KIF23: variants seen among roughly 807,000 people sequenced by gnomAD.
KIF23 encodes kinesin-like protein KIF23.
A neutral mutation model predicts 137.5 loss-of-function variants in KIF23; 30 were observed. The observed-to-expected ratio is 0.22, with a 90% CI of 0.16 to 0.30. KIF23 has a LOEUF of 0.30. KIF23 is among the 10% of genes least tolerant of loss of function. KIF23 has a pLI of 1.00. For synonymous variants in KIF23, 367 were observed against 391.1 expected (o/e 0.94, Z 0.73); for missense variants, 920 against 1,194.3 (o/e 0.77, Z 3.38).
intron 2 of KIF23, 64 bp downstream of exon 2, chr15:69,416,127 C>A: frequency 1.9e-6 from 2 of 1,052,256 alleles, no homozygotes; most frequent in Non-Finnish European, 2.8e-6. Context: ...TCCTTTCTGT[C>A]TTATGTGTAT....
intron 3 of KIF23, among the ~76,000 whole-genome samples, chr15:69,417,726 AT>A (rs1413732714): frequency 1.3e-5 from 2 of 152,226 alleles, no homozygotes; most frequent in East Asian, 3.8e-4. Context: ...TTAGCAGATA[AT>A]TTCTTACACT....
At position 69,421,723 on chromosome 15, in the gene KIF23, T is replaced by G. The variant is rs914396912; in HGVS notation, c.287T>G (p.Leu96Trp). Residue 96 changes from leucine to tryptophan, a missense_variant, in exon 4 of 24, where the codon TTG (leucine) becomes TGG (tryptophan). Leu to Trp is a moderately conservative substitution (Grantham distance 61, BLOSUM62 -2). Transcript: ENST00000679126. ...CTCTTTGATGTTGTGGCTAATCCCT[T>G]GGTCAATGACCTCATTCATGGCAAA... ...KELFDVVANP[L>W]VNDLIHGKNG... 1 of 1,613,690 alleles carries G rather than the reference T, an allele frequency of 6.2e-7. No homozygotes were observed. The highest frequency in any genetic ancestry group is 1.1e-5 in the South Asian group (1 of 91,034).
intron 11 of KIF23, chr15:69,435,242 T>C (rs2057449765): frequency 1.9e-6 from 1 of 528,520 alleles, no homozygotes; most frequent in African/African-American, 1.9e-5. Context: ...ATGTTGCATT[T>C]TGTGGAAAAT....
At chr15:69,446,519 T>A (rs2057743839) in intron 22 of KIF23, 155 bp downstream of exon 22, 1 of 646,574 alleles carries the variant, frequency 1.5e-6, no homozygotes, top group African/African-American at 1.8e-5. Context: ...ATAACAAGAA[T>A]CCACTTCATC....
chr15:69,444,897 A>G lies in KIF23; in HGVS notation c.2529A>G (p.Gln843=), dbSNP rs2057709399. 6.2e-7 allele frequency: 1 copy of G among 1,614,196 alleles called. No individual in the cohort carries two copies. The highest frequency in any genetic ancestry group is 2.2e-5 in the East Asian group (1 of 44,894). The change falls in exon 20 of 24, where the codon CAA becomes CAG. Residue 843 remains glutamine, a synonymous_variant. Coordinates refer to ENST00000679126, the MANE Select transcript of KIF23 (RefSeq NM_001367805.3). The surrounding 1 kb of genome is among the most constrained non-coding windows in gnomAD (Gnocchi z 4.2). The part of the protein sequence containing the change: ...WVDHKPASNM[Q]TETVMQPHVP... ...ATCATAAGCCCGCCTCTAACATGCA[A>G]ACTGAAACAGTCATGCAGCCACATG...
intron 16 of KIF23, among the ~76,000 whole-genome samples, chr15:69,439,583 A>G (rs546081617): frequency 6.6e-6 from 1 of 152,368 alleles, no homozygotes; most frequent in East Asian, 1.9e-4. Context: ...ACACATTCAT[A>G]AGAGAAGTTA....
chr15:69,416,176 CAAA>C lies in KIF23; in HGVS notation c.81+114_81+116del, dbSNP rs143818035. Reference sequence around the variant, plus strand: ...AGAAGAAGACATGTGGAAGTATAATCAAAGAACATTTAGTTAAATGGATGTACT... The same window carrying C: ...AGAAGAAGACATGTGGAAGTATAATCGAACATTTAGTTAAATGGATGTACT... On this transcript the variant is annotated intron_variant, in intron 2 of 23. Coordinates refer to ENST00000679126, the MANE Select transcript of KIF23 (RefSeq NM_001367805.3). The C allele has an allele frequency of 1.2e-3, 726 of 625,236 alleles. 5 individuals carry two copies. The African/African-American group carries it at 0.013, about 11-fold the overall frequency. 38.7% of individuals were successfully genotyped at this position (625,236 alleles called of 1,614,324 possible).
chr15:69,422,544 G>T (rs2057084357), intron 6 of KIF23, 109 bp downstream of exon 6: 2 of 674,292 alleles, frequency 3.0e-6, no homozygotes, highest in Non-Finnish European at 2.6e-6. Context: ...GTTGACTTTT[G>T]TGAGATTAAA....
chr15:69,446,834 G>A (rs2057750057), intron 22 of KIF23, 37 bp from the exon 23 acceptor site: 2 of 1,577,598 alleles, frequency 1.3e-6, no homozygotes, highest in Non-Finnish European at 1.7e-6. Flanking sequence ...ACTATTGAGA[G>A]GAGCTGATCT....
rs1442073054 is a variant in KIF23, at chr15:69,421,987, T to C, written c.317-5T>C. On this transcript the variant is annotated splice_region_variant and splice_polypyrimidine_tract_variant and intron_variant, in intron 4 of 23. Coordinates refer to ENST00000679126, the MANE Select transcript of KIF23 (RefSeq NM_001367805.3). ...TATAACTCATTGTGACTTGCTACAC[T>C]GTAGGTCTTCTTTTTACATATGGTG... 2 of 1,613,662 alleles carry C rather than the reference T, an allele frequency of 1.2e-6. No individual in the cohort carries two copies. Among genetic ancestry groups the C allele is most frequent in the Non-Finnish European group, 8.5e-7 (1 of 1,179,872 alleles).
chr15:69,435,213 C>A, intron 11 of KIF23: 1 of 502,606 alleles, frequency 2.0e-6, no homozygotes, highest in Non-Finnish European at 3.5e-6. Context: ...TGGAAGAAAC[C>A]TTATAGTCAT....
rs772183540 is a variant in KIF23, at chr15:69,440,096, G to C, written c.1929+19G>C. 1 of 1,605,672 alleles carries C rather than the reference G, an allele frequency of 6.2e-7. No homozygotes were observed. The highest frequency in any genetic ancestry group is 1.7e-5 in the Admixed American group (1 of 58,268). On this transcript the variant is annotated intron_variant, in intron 17 of 23. Coordinates refer to ENST00000679126, the MANE Select transcript of KIF23 (RefSeq NM_001367805.3). ...AGAATGTGTGAGTATCGTTTGGGTA[G>C]TGCTTGTCTCAGAGTCGGATGATTT...
intron 10 of KIF23, among the ~76,000 whole-genome samples, 187 bp from the exon 11 acceptor site, chr15:69,428,924 G>A (rs1418073890): frequency 6.6e-6 from 1 of 152,116 alleles, no homozygotes; most frequent in Non-Finnish European, 1.5e-5. Flanking sequence ...AATCATTAAT[G>A]TCATGAGTAT....
intron 3 of KIF23, among the ~76,000 whole-genome samples, chr15:69,420,233 C>T (rs2057020577): frequency 6.6e-6 from 1 of 151,972 alleles, no homozygotes; most frequent in Admixed American, 6.5e-5. Flanking sequence ...CACTGCACTC[C>T]AGCCTGGGTG....
At chr15:69,442,717 G>A (rs1230245134) in intron 19 of KIF23, among the ~76,000 whole-genome samples, 2 of 152,178 alleles carry the variant, frequency 1.3e-5, no homozygotes, top group Non-Finnish European at 2.9e-5. Flanking sequence ...ACTATTCAAG[G>A]CTTGCGTATG....
chr15:69,427,238 G>T, intron 10 of KIF23: 1 of 346,304 alleles, frequency 2.9e-6, no homozygotes, highest in South Asian at 2.3e-5. Flanking sequence ...CAAGATTTGA[G>T]CATCCATGGA....
rs887273538 is a variant in KIF23 at position 69,417,481 on chromosome 15, C to T, written c.180C>T (p.Tyr60=). The T allele has an allele frequency of 2.5e-6, 4 of 1,613,618 alleles. No individual in the cohort carries two copies. Among genetic ancestry groups the T allele is most frequent in the Non-Finnish European group, 3.4e-6 (4 of 1,179,826 alleles). ...TTCAGCTTCATACTCCTGAGGGCTA[C>T]AGACTCAACCGAAATGGAGACTATA... ...TTVQLHTPEG[Y]RLNRNGDYKE... is the part of the protein sequence containing the mutation. The change falls in exon 3 of 24, where the codon TAC becomes TAT. Residue 60 remains tyrosine (Y), a synonymous_variant. Coordinates refer to ENST00000679126, the MANE Select transcript of KIF23 (RefSeq NM_001367805.3).
chr15:69,427,607 T>C (rs2140345507), intron 10 of KIF23: 1 of 374,744 alleles, frequency 2.7e-6, no homozygotes, highest in African/African-American at 2.1e-5. Flanking sequence ...TCTTGGTCGA[T>C]AGGCCAGTAG....
chr15:69,423,288 T>C lies in KIF23; in HGVS notation c.693T>C (p.Tyr231=), dbSNP rs768645944. The part of the protein sequence containing the change: ...SYIEIYNNYI[Y]DLLEEVPFDP... ...TTGAAATATATAATAATTACATATA[T>C]GATCTATTGGAAGAGGTGCCGTTTG... The change falls in exon 7 of 24, where the codon TAT becomes TAC. Residue 231 remains tyrosine, a synonymous_variant. Coordinates refer to ENST00000679126, the MANE Select transcript of KIF23 (RefSeq NM_001367805.3). 1.3e-6 allele frequency: 2 copies of C among 1,581,518 alleles called. No homozygotes were observed. The highest frequency in any genetic ancestry group is 1.2e-5 in the South Asian group (1 of 85,588).
Sources: allele counts gnomAD v4.1 joint callset (sites outside exome capture counted in the v4.1 genomes callset), GRCh38; gene constraint gnomAD v4.1.1; non-coding constraint Gnocchi (gnomAD v3.1); transcripts MANE v1.5; gene names NCBI Gene and HGNC (gene_info 2026-07-23, HGNC 2026-07-21).